The following CNTN5 variants were observed in gnomAD, a reference collection of about 807,000 sequenced individuals.
The protein encoded by CNTN5 is contactin 5.
In CNTN5, 77 loss-of-function variants were observed where a neutral mutation model predicts 129.1. The observed-to-expected ratio is 0.60, with a 90% CI of 0.50 to 0.72. CNTN5 has a LOEUF of 0.72. Ranked by LOEUF, CNTN5 falls within the 30% of genes least tolerant of loss-of-function variation. The pLI is 0.00. For missense variants in CNTN5, 1,478 were observed against 1,328.8 expected (o/e 1.11, Z -1.75); for synonymous variants, 509 against 465.6 (o/e 1.09, Z -1.20).
intron 3 of CNTN5, among the ~76,000 whole-genome samples, chr11:99,690,272 T>G (rs2134778287): frequency 6.6e-6 from 1 of 152,294 alleles, no homozygotes; most frequent in Non-Finnish European, 1.5e-5. Flanking sequence ...TTCTCTATTC[T>G]GTTCCATTGG....
At chr11:100,048,274 C>G (rs10791129) in intron 9 of CNTN5, among the ~76,000 whole-genome samples, 82,193 of 151,922 alleles carry the variant, frequency 0.54, 22,900 homozygotes, top group East Asian at 0.75. Flanking sequence ...ATTTCTCAAA[C>G]TTTCAACTTC....
At chr11:99,683,101 A>G (rs1488212587) in intron 3 of CNTN5, among the ~76,000 whole-genome samples, 2 of 151,998 alleles carry the variant, frequency 1.3e-5, no homozygotes, top group Admixed American at 6.6e-5. Flanking sequence ...CTATATGACT[A>G]CATGACTAGT....
intron 1 of CNTN5, among the ~76,000 whole-genome samples, chr11:99,190,460 T>C (rs1591334916): frequency 6.6e-6 from 1 of 151,760 alleles, no homozygotes; most frequent in East Asian, 1.9e-4. Context: ...TGAAAGAGAT[T>C]ACATTGAATT....
intron 1 of CNTN5, among the ~76,000 whole-genome samples, chr11:99,077,454 T>C (rs998449798): frequency 1.3e-5 from 2 of 152,204 alleles, no homozygotes; most frequent in African/African-American, 4.8e-5. Flanking sequence ...ATACAGTTTG[T>C]ATATTATTTA....
intron 3 of CNTN5, among the ~76,000 whole-genome samples, chr11:99,748,713 G>T (rs1208832368): frequency 6.6e-6 from 1 of 152,156 alleles, no homozygotes; most frequent in African/African-American, 2.4e-5. Flanking sequence ...GACAGAAAAA[G>T]ATGAATGTCC....
intron 16 of CNTN5, among the ~76,000 whole-genome samples, chr11:100,231,807 A>C (rs1391865188): frequency 6.6e-6 from 1 of 152,210 alleles, no homozygotes; most frequent in Non-Finnish European, 1.5e-5. Context: ...ACTGGCCTTG[A>C]CATCCAGATT....
At chr11:99,364,663 T>A (rs1024334563) in intron 2 of CNTN5, among the ~76,000 whole-genome samples, 21 of 152,126 alleles carry the variant, frequency 1.4e-4, no homozygotes, top group African/African-American at 4.6e-4. Context: ...TTGAAAATTT[T>A]AAAAAACTCT....
intron 21 of CNTN5, among the ~76,000 whole-genome samples, chr11:100,316,788 T>A (rs1951580831): frequency 1.3e-5 from 2 of 152,338 alleles, no homozygotes; most frequent in South Asian, 4.1e-4. Context: ...TTAACTGTAT[T>A]TTTATCTTTT....
intron 3 of CNTN5, among the ~76,000 whole-genome samples, chr11:99,698,919 A>C (rs923988641): frequency 1.2e-4 from 18 of 151,324 alleles, no homozygotes; most frequent in African/African-American, 4.3e-4. Context: ...AAACATAAAA[A>C]AAAAAAAAAA....
At chr11:99,221,172 C>T (rs181785606) in intron 1 of CNTN5, among the ~76,000 whole-genome samples, 2 of 151,978 alleles carry the variant, frequency 1.3e-5, no homozygotes, top group South Asian at 2.1e-4. Context: ...AGAATTCAAA[C>T]AAGTATAACT....
intron 16 of CNTN5, among the ~76,000 whole-genome samples, chr11:100,248,704 C>G (rs1949899042): frequency 6.6e-6 from 1 of 152,108 alleles, no homozygotes; most frequent in South Asian, 2.1e-4. Context: ...ATGATGTTAT[C>G]TATGTGAGAA....
At chr11:100,329,464 G>A (rs192759594) in intron 21 of CNTN5, among the ~76,000 whole-genome samples, 3 of 152,318 alleles carry the variant, frequency 2.0e-5, no homozygotes, top group Middle Eastern at 3.4e-3. Flanking sequence ...CCTCCCTATA[G>A]GACTGCAGCT....
chr11:99,553,224 G>T (rs941537069), intron 2 of CNTN5, among the ~76,000 whole-genome samples: 1 of 152,188 alleles, frequency 6.6e-6, no homozygotes, highest in South Asian at 2.1e-4. Context: ...CCAATTAGTA[G>T]TTTCCAAATT....
chr11:99,193,729 A>C (rs185785179), intron 1 of CNTN5, among the ~76,000 whole-genome samples: 13 of 152,308 alleles, frequency 8.5e-5, no homozygotes, highest in Middle Eastern at 3.4e-3. Flanking sequence ...AGACCGTTTC[A>C]CAGGCAGATA....
chr11:99,151,511 G>A (rs1044536214), intron 1 of CNTN5, among the ~76,000 whole-genome samples: 8 of 152,154 alleles, frequency 5.3e-5, no homozygotes, highest in South Asian at 2.1e-4. Context: ...GTAGCCATGA[G>A]TATATTTTGA....
At chr11:100,304,565 T>G (rs2138908980) in intron 20 of CNTN5, among the ~76,000 whole-genome samples, 1 of 151,666 alleles carries the variant, frequency 6.6e-6, no homozygotes, top group Non-Finnish European at 1.5e-5. Flanking sequence ...CTAGATGGTT[T>G]CTGGCAAGAT....
rs114576747 is a variant in CNTN5, at chr11:100,357,031, A to G, written c.*811A>G. 1.1e-3 allele frequency: 161 copies of G among 151,908 alleles called. No homozygotes were observed. The highest frequency in any genetic ancestry group is 3.7e-3 in the African/African-American group (154 of 41,534). 9.4% of individuals were successfully genotyped at this position (151,908 alleles called of 1,614,324 possible). A position where few individuals can be genotyped will look rare whatever the true frequency, so the allele number is the denominator to read the frequency against. ...CACTAAAAACTGCAGACATGCTGGCATGGGTGCTAACTTAAAAATGAGATG... is the reference window on the plus strand; with the variant it reads ...CACTAAAAACTGCAGACATGCTGGCGTGGGTGCTAACTTAAAAATGAGATG... On this transcript the variant is annotated 3_prime_UTR_variant, in exon 25 of 25. Transcript: ENST00000524871.
At position 99,480,138 on chromosome 11, in the gene CNTN5, A is replaced by G. The variant is rs747156155; in HGVS notation, c.-70-76007A>G. 3.3e-4 allele frequency among the ~76,000 whole-genome samples: 51 copies of G among 152,298 alleles called. 1 individual carries two copies. The highest frequency in any genetic ancestry group is 3.4e-3 in the Middle Eastern group (1 of 294). ...GTAAGCATGATTTTTTCTGGTACAT[A>G]TTAACTATATGATGGAGTGTTAGTT... is the stretch of plus-strand genomic sequence containing the variant. On this transcript the variant is annotated intron_variant, in intron 2 of 24. Coordinates refer to ENST00000524871, the MANE Select transcript of CNTN5 (RefSeq NM_014361.4).
chr11:100,011,406 G>A (rs1940525426), intron 9 of CNTN5, among the ~76,000 whole-genome samples: 1 of 152,220 alleles, frequency 6.6e-6, no homozygotes, highest in South Asian at 2.1e-4. Context: ...TGACAGGCCT[G>A]CCAGCTAATA....
Sources: gnomAD v4.1 joint callset for allele counts (sites outside exome capture counted in the v4.1 genomes callset) on GRCh38, gnomAD v4.1.1 for gene constraint, MANE v1.5 for transcripts, NCBI Gene and HGNC (gene_info 2026-07-23, HGNC 2026-07-21) for gene names.